Variants in ABL1 observed in about 807,000 individuals in gnomAD.
The protein encoded by ABL1 is ABL proto-oncogene 1, non-receptor tyrosine kinase.
In ABL1, 11 loss-of-function variants were observed where a neutral mutation model predicts 94.7. The observed-to-expected ratio is 0.12, with a 90% CI of 0.07 to 0.19. The LOEUF is 0.19. Ranked by LOEUF, ABL1 falls within the 10% of genes least tolerant of loss-of-function variation. The pLI is 1.00. For synonymous variants in ABL1, 656 were observed against 622.4 expected (o/e 1.05, Z -0.80); for missense variants, 1,082 against 1,489.4 (o/e 0.73, Z 4.50).
intron 1 of ABL1, among the ~76,000 whole-genome samples, chr9:130,842,643 G>A (rs2132931357): frequency 6.6e-6 from 1 of 152,338 alleles, no homozygotes; most frequent in African/African-American, 2.4e-5. Context: ...GTAGCCCAGT[G>A]CCTCTGGTGT....
At chr9:130,735,603 C>G (rs1410668917) in intron 1 of ABL1, among the ~76,000 whole-genome samples, 1 of 151,566 alleles carries the variant, frequency 6.6e-6, no homozygotes, top group Non-Finnish European at 1.5e-5. Context: ...CTTAATAGAT[C>G]CTCAGGATCT....
intron 1 of ABL1, among the ~76,000 whole-genome samples, chr9:130,729,239 A>G (rs953109436): frequency 2.0e-5 from 3 of 152,200 alleles, no homozygotes; most frequent in Admixed American, 6.5e-5. Flanking sequence ...AATGTCTTCC[A>G]GCACTGTGAA....
intron 1 of ABL1, among the ~76,000 whole-genome samples, chr9:130,773,785 A>G (rs1013365881): frequency 2.6e-5 from 4 of 151,998 alleles, no homozygotes; most frequent in Non-Finnish European, 5.9e-5. Context: ...CCGGCTCCCC[A>G]ATAGTTTTAT....
At chr9:130,859,018 C>T (rs1182057119) in intron 3 of ABL1, among the ~76,000 whole-genome samples, 5 of 152,146 alleles carry the variant, frequency 3.3e-5, no homozygotes, top group Admixed American at 1.3e-4. Context: ...TTGCCATTTC[C>T]TAGGAGCCTT....
At position 130,870,664 on chromosome 9, in the gene ABL1, G is replaced by A. The variant is rs932531944; in HGVS notation, c.823-1465G>A. On this transcript the variant is annotated intron_variant, in intron 4 of 10. Coordinates refer to ENST00000318560, the MANE Select transcript of ABL1 (RefSeq NM_005157.6). The stretch of plus-strand genomic sequence containing the variant: ...CAGAGAGGGCTCAGAAGAATTAAAC[G>A]GCCAATGGGGTGGTGACAGAGGTGA... Among the ~76,000 whole-genome samples the A allele has an allele frequency of 3.7e-4, 56 of 152,146 alleles. 1 individual carries two copies. Among genetic ancestry groups the A allele is most frequent in the African/African-American group, 1.3e-3 (54 of 41,446 alleles).
rs55915035 is a variant in ABL1 at position 130,728,230 on chromosome 9, A to ATTTTTTTTTTTTTTTTTTTT, written c.136+13793_136+13794insTTTTTTTTTTTTTTTTTTTT. 1.4e-4 allele frequency among the ~76,000 whole-genome samples: 14 copies of ATTTTTTTTTTTTTTTTTTTT among 102,574 alleles called. 2 individuals carry two copies. Among genetic ancestry groups the ATTTTTTTTTTTTTTTTTTTT allele is most frequent in the African/African-American group, 5.8e-4 (11 of 19,038 alleles). The allele number at this position is 102,574 out of a possible 152,430, so 67.3% of individuals were successfully genotyped here. A position where few individuals can be genotyped will look rare whatever the true frequency, so the allele number is the denominator to read the frequency against. ...GGGCATGCGCCACCATGTCCAGCTGATTTTTTTTTTTTTTTTTTGTGGAGA... is the reference window on the plus strand; with the variant it reads ...GGGCATGCGCCACCATGTCCAGCTGATTTTTTTTTTTTTTTTTTTTTTTTTTTTTTTTTTTTTTGTGGAGA... On this transcript the variant is annotated intron_variant, in intron 1 of 10. Transcript: ENST00000372348.
intron 2 of ABL1, 65 bp downstream of exon 2, chr9:130,854,302 C>T (rs1003095698): frequency 5.1e-6 from 8 of 1,553,936 alleles, no homozygotes; most frequent in Non-Finnish European, 7.0e-6. Flanking sequence ...TGCGGTTTGA[C>T]CTACCACCCT....
intron 1 of ABL1, among the ~76,000 whole-genome samples, chr9:130,773,969 C>A (rs569835376): frequency 5.2e-4 from 79 of 152,246 alleles, no homozygotes; most frequent in Admixed American, 2.5e-3. Flanking sequence ...CCTTCCCGGT[C>A]CAATACTTAC....
chr9:130,757,840 C>A (rs11244125), intron 1 of ABL1, among the ~76,000 whole-genome samples: 28,809 of 151,724 alleles, frequency 0.19, 3,438 homozygotes, highest in Middle Eastern at 0.39. Context: ...TGCGCCCGGC[C>A]AGGCATTTTT....
rs1269440374 is a variant in ABL1 at position 130,884,629 on chromosome 9, T to C, written c.2339T>C (p.Val780Ala). ...NRSDQVTRGT[V>A]TPPPRLVKKN... ...TCTGACCAGGTGACCCGAGGCACAG[T>C]AACGCCTCCCCCCAGGCTGGTGAAA... The change falls in exon 11 of 11, where the codon GTA (valine) becomes GCA (alanine). Residue 780 changes from valine to alanine, a missense_variant. This residue lies in a region of ABL1 where 780 missense variants were observed against 835.8 expected (regional missense o/e 0.93). Coordinates refer to ENST00000318560, the MANE Select transcript of ABL1 (RefSeq NM_005157.6). This position sits in a 1 kb window ranked among gnomAD's most constrained non-coding sequence, Gnocchi z 5.6. 6.2e-7 allele frequency: 1 copy of C among 1,613,314 alleles called. No individual in the cohort carries two copies. The highest frequency in any genetic ancestry group is 8.5e-7 in the Non-Finnish European group (1 of 1,179,994).
At position 130,885,414 on chromosome 9, in the gene ABL1, G is replaced by A. The variant is rs746810970; in HGVS notation, c.3124G>A (p.Ala1042Thr). 3.7e-5 allele frequency: 59 copies of A among 1,613,470 alleles called. No homozygotes were observed. Among genetic ancestry groups the A allele is most frequent in the Admixed American group, 6.7e-5 (4 of 60,008 alleles). Reference protein sequence around the residue: ...VLDSTEALCLAISRNSEQMAS... With the variant: ...VLDSTEALCLTISRNSEQMAS... ...GGACAGCACCGAGGCGCTGTGCCTC[G>A]CCATCTCTAGGAACTCCGAGCAGAT... The change falls in exon 11 of 11, where the codon GCC becomes ACC. Residue 1042 changes from alanine to threonine, a missense_variant. Ala to Thr is a moderately conservative substitution (Grantham distance 58). This residue lies in a region of ABL1 where 780 missense variants were observed against 835.8 expected (regional missense o/e 0.93). Transcript: ENST00000318560.
At chr9:130,817,534 GT>G (rs1164859873) in intron 1 of ABL1, among the ~76,000 whole-genome samples, 3 of 152,198 alleles carry the variant, frequency 2.0e-5, no homozygotes, top group African/African-American at 7.2e-5. Flanking sequence ...GTGAGGTCCT[GT>G]TCCAGCCAAT....
intron 1 of ABL1, among the ~76,000 whole-genome samples, chr9:130,717,659 T>TAAA (rs55678553): frequency 0.015 from 1,861 of 128,204 alleles, 39 homozygotes; most frequent in African/African-American, 0.051. Flanking sequence ...CTCTGGGGGG[T>TAAA]AAAAAAAAAA....
chr9:130,713,310 G>A (rs527928723), exon 1 of ABL1, among the ~76,000 whole-genome samples: 2 of 152,304 alleles, frequency 1.3e-5, no homozygotes, highest in East Asian at 3.9e-4. Context: ...TCTACACGGG[G>A]CCCGCCTTCC....
chr9:130,826,450 G>A (rs1441274083), intron 1 of ABL1, among the ~76,000 whole-genome samples: 1 of 152,102 alleles, frequency 6.6e-6, no homozygotes, highest in South Asian at 2.1e-4. Context: ...TTTAAGTGAA[G>A]ATGTGTAAGG....
At chr9:130,876,776 G>A (rs1395223665) in intron 7 of ABL1, among the ~76,000 whole-genome samples, 1 of 116,982 alleles carries the variant, frequency 8.5e-6, no homozygotes, top group African/African-American at 3.7e-5. Context: ...TCACTCTGTC[G>A]CCCAGGCTGG....
chr9:130,813,202 ACTCC>A (rs1830233767), intron 1 of ABL1, among the ~76,000 whole-genome samples: 1 of 149,080 alleles, frequency 6.7e-6, no homozygotes, highest in Admixed American at 6.7e-5. Context: ...CAACAGTGAG[ACTCC>A]GTCTCGAAAA....
chr9:130,841,549 C>T (rs989849728), intron 1 of ABL1, among the ~76,000 whole-genome samples: 1 of 151,948 alleles, frequency 6.6e-6, no homozygotes, highest in Non-Finnish European at 1.5e-5. Context: ...CGGTGGCTGA[C>T]GCCTGTAATC....
At position 130,880,764 on chromosome 9, in the gene ABL1, G is replaced by A. The variant is rs1445574912; in HGVS notation, c.1678+100G>A. On this transcript the variant is annotated intron_variant, in intron 10 of 10. Coordinates refer to ENST00000318560, the MANE Select transcript of ABL1 (RefSeq NM_005157.6). This position sits in a 1 kb window ranked among gnomAD's most constrained non-coding sequence, Gnocchi z 4.4. ...CAACGGGAAGCTGTGAATGGAGCCC[G>A]CACAGAAGGGCAGCCATGGCCTTTG... 6 of 1,371,118 alleles carry A rather than the reference G, an allele frequency of 4.4e-6. No individual in the cohort carries two copies. The highest frequency in any genetic ancestry group is 4.9e-5 in the East Asian group (2 of 40,776). The allele number at this position is 1,371,118 out of a possible 1,614,324, so 84.9% of individuals were successfully genotyped here. A position where few individuals can be genotyped will look rare whatever the true frequency, so the allele number is the denominator to read the frequency against.
Sources: allele counts gnomAD v4.1 joint callset (sites outside exome capture counted in the v4.1 genomes callset), GRCh38; gene constraint gnomAD v4.1.1; regional missense constraint gnomAD v4.1.1; non-coding constraint Gnocchi (gnomAD v3.1); transcripts MANE v1.5; gene names NCBI Gene and HGNC (gene_info 2026-07-23, HGNC 2026-07-21).